Variants in TNNC2 observed in about 807,000 individuals in gnomAD.
The protein encoded by TNNC2 is troponin C, skeletal muscle.
Under a neutral mutation model 20.0 loss-of-function variants are expected in TNNC2, and 14 were observed. The observed-to-expected ratio is 0.70, with a 90% CI of 0.46 to 1.09. The LOEUF is 1.09. Among genes scored for constraint, TNNC2 ranks in the 50% least tolerant of loss-of-function variants. The pLI is 0.00. For synonymous variants in TNNC2, 81 were observed against 77.3 expected (o/e 1.05, Z -0.25); for missense variants, 163 against 223.8 (o/e 0.73, Z 1.73).
At chr20:45,827,029 G>C (rs953214474) in intron 1 of TNNC2, among the ~76,000 whole-genome samples, 35 of 152,184 alleles carry the variant, frequency 2.3e-4, no homozygotes, top group African/African-American at 8.4e-4. Context: ...AAGTGAGTAG[G>C]CAGTCAGCAA....
chr20:45,827,445 C>A (rs1983002523), upstream of TNNC2: 5 of 635,738 alleles, frequency 7.9e-6, no homozygotes, highest in East Asian at 1.4e-4. Flanking sequence ...AGTCTGAACC[C>A]ATTACCTAAT....
At chr20:45,824,686 C>T (rs747095092) in intron 2 of TNNC2, 48 bp from the exon 3 acceptor site, 77 of 1,602,010 alleles carry the variant, frequency 4.8e-5, no homozygotes, top group Non-Finnish European at 6.3e-5. Context: ...GGACTGTCAG[C>T]CTCACACCTA....
Position 45,824,142 on chromosome 20 carries a change from G to A in TNNC2, c.315-15C>T. ...CGTCTGCATTCCTTCAGGTCCGAGG[G>A]ACAGGGCAGGGCTCAGGGCCGGGGC... On this transcript the variant is annotated splice_polypyrimidine_tract_variant and intron_variant, in intron 4 of 5. Transcript: ENST00000372555. 5 of 1,613,146 alleles carry A rather than the reference G, an allele frequency of 3.1e-6. No individual in the cohort carries two copies. The highest frequency in any genetic ancestry group is 4.2e-6 in the Non-Finnish European group (5 of 1,179,808).
rs754093865 is a variant in TNNC2, at chr20:45,824,064, G to T, written c.378C>A (p.His126Gln). The part of the protein sequence containing the change: ...LAEIFRASGE[H>Q]VTDEEIESLM... The stretch of plus-strand genomic sequence containing the variant: ...GAGATTCGATCTCCTCGTCCGTCAC[G>T]TGCTCCCCGGAGGCCCTGAAAATCT... The change falls in exon 5 of 6, where the codon CAC (histidine) becomes CAA (glutamine). Residue 126 changes from histidine (H) to glutamine (Q), a missense_variant. His to Gln is a conservative substitution (Grantham distance 24). Transcript: ENST00000372555. The T allele has an allele frequency of 6.2e-7, 1 of 1,614,090 alleles. No homozygotes were observed.
At chr20:45,832,145 C>G (rs1983127289), upstream of TNNC2, among the ~76,000 whole-genome samples, 5 of 152,116 alleles carry the variant, frequency 3.3e-5, no homozygotes, top group Admixed American at 3.3e-4. Context: ...AACCCCACCT[C>G]TACTAAAAAT....
Position 45,823,586 on chromosome 20 carries a change from C to T in TNNC2, c.452-207G>A, listed in dbSNP as rs1159188312. ...CTCATTGCAGCCTTGATCTCCTAGG[C>T]TCAAGCGATCCTCTTACCTCAGCCC... On this transcript the variant is annotated intron_variant, in intron 5 of 5. Coordinates refer to ENST00000372555, the MANE Select transcript of TNNC2 (RefSeq NM_003279.3). This position sits in a 1 kb window ranked among gnomAD's most constrained non-coding sequence, Gnocchi z 4.6. Among the ~76,000 whole-genome samples the T allele has an allele frequency of 6.6e-6, 1 of 152,154 alleles. No homozygotes were observed. Among genetic ancestry groups the T allele is most frequent in the Non-Finnish European group, 1.5e-5 (1 of 68,022 alleles).
intron 1 of TNNC2, among the ~76,000 whole-genome samples, chr20:45,825,858 G>A (rs931309935): frequency 2.0e-5 from 3 of 152,078 alleles, no homozygotes; most frequent in Admixed American, 6.6e-5. Flanking sequence ...TACCTTAGGC[G>A]ATCTGCCTGC....
upstream of TNNC2, among the ~76,000 whole-genome samples, chr20:45,829,289 C>A (rs1268736603): frequency 3.3e-5 from 5 of 151,592 alleles, no homozygotes; most frequent in Admixed American, 6.6e-5. Context: ...CTCAGCCTCC[C>A]GAGTAGCCGG....
upstream of TNNC2, among the ~76,000 whole-genome samples, chr20:45,831,673 AAAG>A (rs1478407709): frequency 2.0e-5 from 3 of 152,142 alleles, no homozygotes; most frequent in Admixed American, 6.6e-5. Flanking sequence ...AAGGAAGCAA[AAAG>A]AAGAAGAAAT....
Position 45,823,844 on chromosome 20 carries a change from C to A in TNNC2, c.451+147G>T. 2.2e-6 allele frequency: 3 copies of A among 1,336,700 alleles called. No homozygotes were observed. The highest frequency in any genetic ancestry group is 1.0e-6 in the Non-Finnish European group (1 of 979,224). 82.8% of individuals were successfully genotyped at this position (1,336,700 alleles called of 1,614,324 possible). ...CACAGAGTCGTGGAGCGCTTCTATA[C>A]CTGCCCCCAGGAGACTATGGGGAAC... On this transcript the variant is annotated intron_variant, in intron 5 of 5. Coordinates refer to ENST00000372555, the MANE Select transcript of TNNC2 (RefSeq NM_003279.3). The surrounding 1 kb of genome is among the most constrained non-coding windows in gnomAD (Gnocchi z 4.6).
At chr20:45,828,462 G>A (rs1016558469), upstream of TNNC2, among the ~76,000 whole-genome samples, 6 of 152,198 alleles carry the variant, frequency 3.9e-5, no homozygotes, top group African/African-American at 1.4e-4. Flanking sequence ...ATTTGGAGGA[G>A]AAATAATCAT....
chr20:45,827,500 G>A (rs1391752535), upstream of TNNC2, among the ~76,000 whole-genome samples: 2 of 152,088 alleles, frequency 1.3e-5, no homozygotes, highest in East Asian at 3.9e-4. Flanking sequence ...CCAAGCAGGT[G>A]GCAGGCCTTG....
Position 45,823,908 on chromosome 20 carries a change from G to C in TNNC2, c.451+83C>G. The C allele has an allele frequency of 6.3e-7, 1 of 1,594,906 alleles. No individual in the cohort carries two copies. Among genetic ancestry groups the C allele is most frequent in the Non-Finnish European group, 8.5e-7 (1 of 1,169,948 alleles). On this transcript the variant is annotated intron_variant, in intron 5 of 5. Transcript: ENST00000372555. This position sits in a 1 kb window ranked among gnomAD's most constrained non-coding sequence, Gnocchi z 4.6. ...GCCCAGCCCAGCCCACAAGGCCAAG[G>C]ACACTGCACCGGAGCCAGGCACCAG...
rs1175582226 is a variant in TNNC2, at chr20:45,824,777, A to C, written c.55+6T>G. On this transcript the variant is annotated splice_donor_region_variant and intron_variant, in intron 2 of 5. Transcript: ENST00000372555. ...CCCAGCCCCCAGCCTGCCGCGCCTC[A>C]CTCACCAGCGATCATCTCTTCGCTG... 6.6e-7 allele frequency: 1 copy of C among 1,511,596 alleles called. No homozygotes were observed. The highest frequency in any genetic ancestry group is 2.0e-5 in the Admixed American group (1 of 51,020). The allele number at this position is 1,511,596 out of a possible 1,614,324, so 93.6% of individuals were successfully genotyped here. A position where few individuals can be genotyped will look rare whatever the true frequency, so the allele number is the denominator to read the frequency against.
upstream of TNNC2, among the ~76,000 whole-genome samples, chr20:45,829,798 AG>A (rs1301900956): frequency 1.4e-5 from 2 of 148,100 alleles, no homozygotes; most frequent in Non-Finnish European, 3.0e-5. Flanking sequence ...AAAAAAAAAA[AG>A]TTTCATCATG....
At chr20:45,831,998 AG>A (rs1027327362), upstream of TNNC2, among the ~76,000 whole-genome samples, 2 of 152,216 alleles carry the variant, frequency 1.3e-5, no homozygotes, top group Admixed American at 1.3e-4. Context: ...AGCCAAATGA[AG>A]AGTAATTCGA....
chr20:45,827,798 A>C (rs1983011405), upstream of TNNC2, among the ~76,000 whole-genome samples: 1 of 152,126 alleles, frequency 6.6e-6, no homozygotes, highest in Non-Finnish European at 1.5e-5. Context: ...AGACCATGGT[A>C]AATGGGAACC....
chr20:45,823,497 T>A lies in TNNC2; in HGVS notation c.452-118A>T, dbSNP rs1179129270. On this transcript the variant is annotated intron_variant, in intron 5 of 5. Coordinates refer to ENST00000372555, the MANE Select transcript of TNNC2 (RefSeq NM_003279.3). The surrounding 1 kb of genome is among the most constrained non-coding windows in gnomAD (Gnocchi z 4.6). ...TTTTTGTTTTTGTTGAGACAGAGTC[T>A]CACTCTGTTGCCAAGGTCGCCAAGG... The A allele has an allele frequency of 7.7e-6, 8 of 1,037,436 alleles. No individual in the cohort carries two copies. The highest frequency in any genetic ancestry group is 1.1e-5 in the Non-Finnish European group (8 of 721,462). 64.3% of individuals were successfully genotyped at this position (1,037,436 alleles called of 1,614,324 possible). A position where few individuals can be genotyped will look rare whatever the true frequency, so the allele number is the denominator to read the frequency against.
intron 1 of TNNC2, among the ~76,000 whole-genome samples, chr20:45,825,474 T>G (rs569640865): frequency 6.6e-6 from 1 of 150,514 alleles, no homozygotes; most frequent in East Asian, 2.0e-4. Context: ...GTATTTTTAG[T>G]AGAGACGAGG....
Sources: gnomAD v4.1 joint callset for allele counts (sites outside exome capture counted in the v4.1 genomes callset) on GRCh38, gnomAD v4.1.1 for gene constraint, Gnocchi (gnomAD v3.1) non-coding constraint, MANE v1.5 for transcripts, NCBI Gene and HGNC (gene_info 2026-07-23, HGNC 2026-07-21) for gene names.